Variants in ASXL3 observed in about 807,000 individuals in gnomAD.
ASXL3 encodes ASXL transcriptional regulator 3.
Under a neutral mutation model 170.6 loss-of-function variants are expected in ASXL3, and 34 were observed. The ratio of observed to expected loss-of-function variants is 0.20; its 90% CI spans 0.15 to 0.27. The LOEUF is 0.27. ASXL3 is among the 10% of genes least tolerant of loss of function. ASXL3 has a pLI of 1.00. For missense variants in ASXL3, 2,592 were observed against 2,695.3 expected (o/e 0.96, Z 0.85); for synonymous variants, 1,002 against 989.1 (o/e 1.01, Z -0.24).
rs563407641 is a variant in ASXL3 at position 33,743,423 on chromosome 18, C to T, written c.3575C>T (p.Pro1192Leu). The change falls in exon 12 of 12, where the codon CCA becomes CTA. Residue 1192 changes from proline to leucine, a missense_variant. Pro to Leu is a moderately conservative substitution (Grantham distance 98, BLOSUM62 -3). Around this residue, in one of 4 missense-constraint regions of ASXL3, gnomAD observed 2,246 missense variants for 2,219.6 expected, o/e 1.01. Transcript: ENST00000269197. ...CAGTCTCTTAACCCAAGTAAACTTC[C>T]AGAAACTGCCACTGACTTATCTGTG... is the stretch of plus-strand genomic sequence containing the variant. ...LQQSLNPSKL[P>L]ETATDLSVHS... 5 of 1,613,346 alleles carry T rather than the reference C, an allele frequency of 3.1e-6. No homozygotes were observed. Among genetic ancestry groups the T allele is most frequent in the South Asian group, 2.2e-5 (2 of 91,080 alleles).
At chr18:33,726,472 G>A (rs1281219483) in intron 8 of ASXL3, among the ~76,000 whole-genome samples, 1 of 152,044 alleles carries the variant, frequency 6.6e-6, no homozygotes, top group East Asian at 1.9e-4. Flanking sequence ...TATGAAATGA[G>A]ATGTGCTATT....
In ASXL3 at chr18:33,702,851, T is replaced by G. The variant is rs368357266; in HGVS notation, c.879+19283T>G. Reference sequence around the variant, plus strand: ...CTATTTCCTTGATAAGCAATGGGGATAAAATTATTAGGGAGATAATAATCA... The same window carrying G: ...CTATTTCCTTGATAAGCAATGGGGAGAAAATTATTAGGGAGATAATAATCA... On this transcript the variant is annotated intron_variant, in intron 8 of 11. Coordinates refer to ENST00000269197, the MANE Select transcript of ASXL3 (RefSeq NM_030632.3). 3.9e-5 allele frequency among the ~76,000 whole-genome samples: 6 copies of G among 152,248 alleles called. No homozygotes were observed. The East Asian group carries it at 9.7e-4, about 25-fold the overall frequency.
rs1477141932 is a variant in ASXL3, at chr18:33,578,348, G to T, written c.-284G>T. On this transcript the variant is annotated 5_prime_UTR_variant, in exon 1 of 12. Transcript: ENST00000269197. ...GGCGCCGCCCCCGCCCCTGGCCCGG[G>T]CCCCGCTGCTGCCGCCGCCCCCGCC... The T allele has an allele frequency of 2.0e-4, 27 of 134,620 alleles. No homozygotes were observed. The highest frequency in any genetic ancestry group is 7.0e-4 in the African/African-American group (26 of 37,116). 8.3% of individuals were successfully genotyped at this position (134,620 alleles called of 1,614,324 possible). A position where few individuals can be genotyped will look rare whatever the true frequency, so the allele number is the denominator to read the frequency against.
At chr18:33,711,626 C>A (rs1359259811) in intron 8 of ASXL3, among the ~76,000 whole-genome samples, 1 of 152,112 alleles carries the variant, frequency 6.6e-6, no homozygotes, top group Non-Finnish European at 1.5e-5. Flanking sequence ...AAAAGCCATT[C>A]CTCCCCTTTA....
chr18:33,644,795 T>G, intron 2 of ASXL3, 99 bp from the exon 3 acceptor site: 2 of 666,154 alleles, frequency 3.0e-6, no homozygotes, highest in Non-Finnish European at 4.6e-6. Flanking sequence ...AATTATTTTT[T>G]TATTTTTTTT....
chr18:33,666,872 C>T (rs1212925873), intron 5 of ASXL3, among the ~76,000 whole-genome samples: 2 of 152,094 alleles, frequency 1.3e-5, no homozygotes, highest in African/African-American at 4.8e-5. Context: ...GAGGGCTGAC[C>T]ATAATGGCTA....
chr18:33,720,028 C>A (rs1050053925), intron 8 of ASXL3, among the ~76,000 whole-genome samples: 4 of 151,938 alleles, frequency 2.6e-5, no homozygotes, highest in Non-Finnish European at 5.9e-5. Context: ...TAGATCAGGG[C>A]CATTGTTAAA....
chr18:33,739,501 A>C lies in ASXL3; in HGVS notation c.2097A>C (p.Pro699=), dbSNP rs780087858. ...ISEASLMSNL[P]LTSEASPVSN... ...AAGCATCTCTTATGTCCAACTTACCATTAACATCTGAAGCATCACCAGTAT... is the reference window on the plus strand; with the variant it reads ...AAGCATCTCTTATGTCCAACTTACCCTTAACATCTGAAGCATCACCAGTAT... Residue 699 remains proline (P), a synonymous_variant, in exon 11 of 12, where the codon CCA becomes CCC. Coordinates refer to ENST00000269197, the MANE Select transcript of ASXL3 (RefSeq NM_030632.3). 7 of 1,613,946 alleles carry C rather than the reference A, an allele frequency of 4.3e-6. No homozygotes were observed. The highest frequency in any genetic ancestry group is 5.9e-6 in the Non-Finnish European group (7 of 1,179,842).
At chr18:33,593,500 G>C (rs2065098244) in intron 1 of ASXL3, among the ~76,000 whole-genome samples, 1 of 151,986 alleles carries the variant, frequency 6.6e-6, no homozygotes, top group Non-Finnish European at 1.5e-5. Context: ...TGTAGGAAAA[G>C]GGGGAAAAAT....
rs113622505 is a variant in ASXL3, at chr18:33,716,282, A to T, written c.880-15686A>T. On this transcript the variant is annotated intron_variant, in intron 8 of 11. Coordinates refer to ENST00000269197, the MANE Select transcript of ASXL3 (RefSeq NM_030632.3). ...GTGGAACATAGAGAGCAGTGTTCTG[A>T]GCTTTCATGTGTTTGGGAAATGCTA... Among the ~76,000 whole-genome samples the T allele has an allele frequency of 1.9e-4, 29 of 152,322 alleles. 1 individual carries two copies. Among genetic ancestry groups the T allele is most frequent in the Admixed American group, 7.2e-4 (11 of 15,294 alleles).
chr18:33,745,396 G>A lies in ASXL3; in HGVS notation c.5548G>A (p.Val1850Met), dbSNP rs2067762095. The stretch of plus-strand genomic sequence containing the variant: ...TAAATGTGAACCAGGAAAATTGTTG[G>A]TGGAGCCAGATGTTAAAGGGGTGCC... Reference protein sequence around the residue: ...QVKCEPGKLLVEPDVKGVPCV... With the variant: ...QVKCEPGKLLMEPDVKGVPCV... Residue 1850 changes from valine to methionine, a missense_variant, in exon 12 of 12, where the codon GTG becomes ATG. Val to Met is a conservative substitution (Grantham distance 21, BLOSUM62 1). Around this residue, in one of 4 missense-constraint regions of ASXL3, gnomAD observed 2,246 missense variants for 2,219.6 expected, o/e 1.01. Coordinates refer to ENST00000269197, the MANE Select transcript of ASXL3 (RefSeq NM_030632.3). 6.2e-7 allele frequency: 1 copy of A among 1,613,972 alleles called. No homozygotes were observed. Among genetic ancestry groups the A allele is most frequent in the East Asian group, 2.2e-5 (1 of 44,856 alleles).
intron 1 of ASXL3, among the ~76,000 whole-genome samples, chr18:33,583,267 A>G (rs28723024): frequency 0.011 from 1,649 of 152,330 alleles, 35 homozygotes; most frequent in African/African-American, 0.037. Flanking sequence ...TAAGAGTTGA[A>G]GAATTTTGAC....
chr18:33,740,469 A>T, intron 11 of ASXL3, 26 bp downstream of exon 11: 1 of 1,494,572 alleles, frequency 6.7e-7, no homozygotes. Context: ...AACAAAAGGC[A>T]ATTCCGTAGA....
chr18:33,661,860 C>A, intron 5 of ASXL3, 123 bp downstream of exon 5: 1 of 1,109,252 alleles, frequency 9.0e-7, no homozygotes. Flanking sequence ...AATTCAATCC[C>A]ATCCATGATA....
rs117745016 is a variant in ASXL3 at position 33,718,537 on chromosome 18, C to T, written c.880-13431C>T. On this transcript the variant is annotated intron_variant, in intron 8 of 11. Transcript: ENST00000269197. Reference sequence around the variant, plus strand: ...CTGATTCTTCTGCTCTGGATCTTAACATGGTGAAATCAGCGCACTGACATC... The same window carrying T: ...CTGATTCTTCTGCTCTGGATCTTAATATGGTGAAATCAGCGCACTGACATC... Among the ~76,000 whole-genome samples, 264 of 152,164 alleles carry T rather than the reference C, an allele frequency of 1.7e-3. 3 individuals carry two copies. In the East Asian group the frequency reaches 0.04, roughly 23 times the overall value.
chr18:33,681,814 T>C (rs920353548), intron 7 of ASXL3, among the ~76,000 whole-genome samples: 11 of 152,148 alleles, frequency 7.2e-5, no homozygotes, highest in Admixed American at 5.9e-4. Context: ...TTTTGACTTA[T>C]TACATTCTTT....
At chr18:33,687,522 C>A (rs571003582) in intron 8 of ASXL3, among the ~76,000 whole-genome samples, 1 of 152,324 alleles carries the variant, frequency 6.6e-6, no homozygotes, top group South Asian at 2.1e-4. Flanking sequence ...AGTTTCTGCT[C>A]TTTCTAGTAT....
At chr18:33,586,242 T>C (rs2145092266) in intron 1 of ASXL3, among the ~76,000 whole-genome samples, 1 of 152,220 alleles carries the variant, frequency 6.6e-6, no homozygotes, top group Non-Finnish European at 1.5e-5. Flanking sequence ...ACTACATATG[T>C]AATCTTTACA....
At chr18:33,633,060 C>A (rs961481459) in intron 2 of ASXL3, among the ~76,000 whole-genome samples, 4 of 152,186 alleles carry the variant, frequency 2.6e-5, no homozygotes, top group African/African-American at 9.6e-5. Context: ...TTTGTGCTTC[C>A]CTTGTGCTGC....
Sources: allele counts gnomAD v4.1 joint callset (sites outside exome capture counted in the v4.1 genomes callset), GRCh38; gene constraint gnomAD v4.1.1; regional missense constraint gnomAD v4.1.1; transcripts MANE v1.5; gene names NCBI Gene and HGNC (gene_info 2026-07-23, HGNC 2026-07-21).